SEZ6L2: variants seen among roughly 807,000 people sequenced by gnomAD.
SEZ6L2 encodes the protein seizure related 6 homolog like 2, also known as seizure 6-like protein 2.
In SEZ6L2, 44 loss-of-function variants were observed where a neutral mutation model predicts 97.0. The observed-to-expected ratio is 0.45, with a 90% CI of 0.36 to 0.58. The LOEUF (loss-of-function observed/expected upper bound fraction) is 0.58. Among genes scored for constraint, SEZ6L2 ranks in the 20% least tolerant of loss-of-function variants. The pLI is 0.00. For missense variants in SEZ6L2, 1,086 were observed against 1,233.3 expected (o/e 0.88, Z 1.79); for synonymous variants, 543 against 546.1 (o/e 0.99, Z 0.08).
At position 29,873,930 on chromosome 16, in the gene SEZ6L2, C is replaced by T. The variant is rs965128654; in HGVS notation, c.2105-201G>A. Among the ~76,000 whole-genome samples the T allele has an allele frequency of 1.3e-5, 2 of 152,004 alleles. No homozygotes were observed. Among genetic ancestry groups the T allele is most frequent in the Non-Finnish European group, 2.9e-5 (2 of 67,986 alleles). On this transcript the variant is annotated intron_variant, in intron 12 of 17. Transcript: ENST00000617533. The surrounding 1 kb of genome is among the most constrained non-coding windows in gnomAD (Gnocchi z 4.3). ...TCGAGGCTGCAGTGAATGGTGACCA[C>T]GCTACTGCACTCCAGCCTGGGTGAC...
Position 29,885,541 on chromosome 16 carries a change from G to A in SEZ6L2, c.1372+45C>T, listed in dbSNP as rs201128693. 2.1e-3 allele frequency: 3,297 copies of A among 1,589,944 alleles called. 6 individuals are homozygous for A. The highest frequency in any genetic ancestry group is 2.4e-3 in the Non-Finnish European group (2,734 of 1,160,818). On this transcript the variant is annotated intron_variant, in intron 8 of 17. Coordinates refer to ENST00000617533, the MANE Select transcript of SEZ6L2 (RefSeq NM_001243332.2). Reference sequence around the variant, plus strand: ...GACTATGCTTGGTGTCAGGAAGAGGGGAAGGTGTGGCGGTTGGGGTCCTGT... The same window carrying A: ...GACTATGCTTGGTGTCAGGAAGAGGAGAAGGTGTGGCGGTTGGGGTCCTGT...
In SEZ6L2 at chr16:29,896,903, G is replaced by T; in HGVS notation, c.430C>A (p.Leu144Ile). 1.2e-6 allele frequency: 2 copies of T among 1,613,816 alleles called. No homozygotes were observed. The highest frequency in any genetic ancestry group is 1.7e-6 in the Non-Finnish European group (2 of 1,179,806). ...PPSPASPGPP[L>I]GPEGGEEETT... ...TCCTCCTCTCCTCCCTCAGGCCCAA[G>T]GGGAGGCCCTGGGGAGGCAGGGCTG... is the stretch of plus-strand genomic sequence containing the variant. Residue 144 changes from leucine to isoleucine, a missense_variant, in exon 3 of 18, where the codon CTT becomes ATT. This residue lies in a region of SEZ6L2 where 776 missense variants were observed against 794.7 expected (regional missense o/e 0.98). Transcript: ENST00000617533.
At position 29,876,770 on chromosome 16, in the gene SEZ6L2, G is replaced by A; in HGVS notation, c.2090C>T (p.Pro697Leu). 1.3e-6 allele frequency: 2 copies of A among 1,553,206 alleles called. No homozygotes were observed. The highest frequency in any genetic ancestry group is 2.4e-5 in the East Asian group (1 of 41,144). The stretch of plus-strand genomic sequence containing the variant: ...GGCCGGCTCACTCTTTTGGCAGGCG[G>A]GCGGCGCGGCGCTCCAAGACAGGTC... ...QWDLSWSAAP[P>L]ACQKIMTCAD... The change falls in exon 12 of 18, where the codon CCC becomes CTC. Residue 697 changes from proline to leucine, a missense_variant. Transcript: ENST00000617533. This position sits in a 1 kb window ranked among gnomAD's most constrained non-coding sequence, Gnocchi z 6.5.
intron 11 of SEZ6L2, 94 bp from the exon 12 acceptor site, chr16:29,877,044 C>G: frequency 7.7e-7 from 1 of 1,302,122 alleles, no homozygotes; most frequent in Non-Finnish European, 1.1e-6. Flanking sequence ...CTCCCGGGAT[C>G]TGTCTCTCTC....
chr16:29,876,761 T>C lies in SEZ6L2; in HGVS notation c.2099A>G (p.Gln700Arg), dbSNP rs557575227. The C allele has an allele frequency of 1.9e-6, 3 of 1,548,768 alleles. No homozygotes were observed. The highest frequency in any genetic ancestry group is 1.9e-5 in the Admixed American group (1 of 51,540). Residue 700 changes from glutamine to arginine, a missense_variant, in exon 12 of 18, where the codon CAA (glutamine) becomes CGA (arginine). Coordinates refer to ENST00000617533, the MANE Select transcript of SEZ6L2 (RefSeq NM_001243332.2). This position sits in a 1 kb window ranked among gnomAD's most constrained non-coding sequence, Gnocchi z 6.5. The part of the protein sequence containing the change: ...LSWSAAPPAC[Q>R]KIMTCADPGE... ...CGCGGGCGGGGCCGGCTCACTCTTT[T>C]GGCAGGCGGGCGGCGCGGCGCTCCA...
chr16:29,881,208 A>C (rs924631801), intron 8 of SEZ6L2, among the ~76,000 whole-genome samples: 4 of 152,190 alleles, frequency 2.6e-5, no homozygotes, highest in African/African-American at 9.7e-5. Flanking sequence ...TGAGCTAGCC[A>C]AATCCCAGCC....
chr16:29,872,037 T>C lies in SEZ6L2; in HGVS notation c.2742+150A>G, dbSNP rs1278003502. ...ACAGTCCTCACCACTCCCTATTGTA[T>C]ACACATGGCTTGCTATGCTCATTGA... On this transcript the variant is annotated intron_variant, in intron 17 of 17. Coordinates refer to ENST00000617533, the MANE Select transcript of SEZ6L2 (RefSeq NM_001243332.2). The C allele has an allele frequency of 7.4e-6, 5 of 671,552 alleles. No homozygotes were observed. In the East Asian group the frequency reaches 1.4e-4, roughly 18 times the overall value. The allele number at this position is 671,552 out of a possible 1,614,324, so 41.6% of individuals were successfully genotyped here. A position where few individuals can be genotyped will look rare whatever the true frequency, so the allele number is the denominator to read the frequency against.
Position 29,885,729 on chromosome 16 carries a change from C to A in SEZ6L2, c.1229G>T (p.Gly410Val). Residue 410 changes from glycine (G) to valine (V), a missense_variant, in exon 8 of 18, where the codon GGC becomes GTC. Transcript: ENST00000617533. ...ATAGATCACGGGGGATAGGGGGCTG[C>A]CCCCTGAGCGCACCATCAGCCTGGG... ...DNDRLMVRSG[G>V]SPLSPVIYDS... 3 of 1,611,082 alleles carry A rather than the reference C, an allele frequency of 1.9e-6. No individual in the cohort carries two copies. Among genetic ancestry groups the A allele is most frequent in the Non-Finnish European group, 2.5e-6 (3 of 1,178,088 alleles).
chr16:29,871,768 A>G (rs774660589), intron 17 of SEZ6L2, 40 bp from the exon 18 acceptor site: 5 of 1,592,868 alleles, frequency 3.1e-6, no homozygotes, highest in Non-Finnish European at 3.4e-6. Context: ...GGAGTCTGAT[A>G]GGGGTGGAAG....
chr16:29,895,872 C>T lies in SEZ6L2; in HGVS notation c.512-12G>A, dbSNP rs774656200. ...GTTATTACACAGAACTGAGGAGATA[C>T]AAATGGCTGGGATGGAAGGAATGCC... is the stretch of plus-strand genomic sequence containing the variant. On this transcript the variant is annotated splice_polypyrimidine_tract_variant and intron_variant, in intron 3 of 17. Coordinates refer to ENST00000617533, the MANE Select transcript of SEZ6L2 (RefSeq NM_001243332.2). The T allele has an allele frequency of 1.3e-6, 2 of 1,590,024 alleles. No individual in the cohort carries two copies. Among genetic ancestry groups the T allele is most frequent in the East Asian group, 2.3e-5 (1 of 44,316 alleles).
intron 8 of SEZ6L2, among the ~76,000 whole-genome samples, chr16:29,884,219 A>G (rs2068085265): frequency 1.3e-5 from 2 of 152,156 alleles, no homozygotes. Context: ...GATCTTAGTC[A>G]GGTCAATGAA....
At chr16:29,893,304 A>G (rs2068310858) in intron 5 of SEZ6L2, among the ~76,000 whole-genome samples, 1 of 152,066 alleles carries the variant, frequency 6.6e-6, no homozygotes, top group African/African-American at 2.4e-5. Context: ...AGCCTGGCCA[A>G]CAAGAGCAAA....
In SEZ6L2 at chr16:29,878,325, G is replaced by A. The variant is rs1046467966; in HGVS notation, c.1674C>T (p.His558=). 5 of 1,598,400 alleles carry A rather than the reference G, an allele frequency of 3.1e-6. No homozygotes were observed. In the African/African-American group the frequency reaches 4.0e-5, roughly 13 times the overall value. ...GCAAGATGCGCTTCTCTTCCTGGACGTGCACGCCCCACACGCAGTCTTGGC... is the reference window on the plus strand; with the variant it reads ...GCAAGATGCGCTTCTCTTCCTGGACATGCACGCCCCACACGCAGTCTTGGC... The part of the protein sequence containing the change: ...SPGQDCVWGV[H]VQEEKRILLQ... The change falls in exon 10 of 18, where the codon CAC becomes CAT. Residue 558 remains histidine (H), a synonymous_variant. Coordinates refer to ENST00000617533, the MANE Select transcript of SEZ6L2 (RefSeq NM_001243332.2).
chr16:29,887,999 A>G (rs2068185011), intron 6 of SEZ6L2, among the ~76,000 whole-genome samples, 182 bp from the exon 7 acceptor site: 1 of 152,214 alleles, frequency 6.6e-6, no homozygotes, highest in South Asian at 2.1e-4. Context: ...GAGCCAGGAA[A>G]GAAACCAGCC....
intron 8 of SEZ6L2, among the ~76,000 whole-genome samples, chr16:29,880,453 G>C (rs1384866452): frequency 6.6e-6 from 1 of 152,048 alleles, no homozygotes; most frequent in Non-Finnish European, 1.5e-5. Context: ...CTGAGTAGCT[G>C]GGATTATAGG....
At position 29,895,803 on chromosome 16, in the gene SEZ6L2, C is replaced by T; in HGVS notation, c.569G>A (p.Gly190Glu). 1 of 1,614,064 alleles carries T rather than the reference C, an allele frequency of 6.2e-7. No individual in the cohort carries two copies. Among genetic ancestry groups the T allele is most frequent in the African/African-American group, 1.3e-5 (1 of 75,026 alleles). Reference sequence around the variant, plus strand: ...CCCCAGGGTGCGGCTGACGGGGCTCCCCAGATCTGGAGACTCCACATACCC... The same window carrying T: ...CCCCAGGGTGCGGCTGACGGGGCTCTCCAGATCTGGAGACTCCACATACCC... ...GEGYVESPDLGSPVSRTLGLL... is the reference protein window; with the variant it reads ...GEGYVESPDLESPVSRTLGLL... Residue 190 changes from glycine (G) to glutamate (E), a missense_variant, in exon 4 of 18, where the codon GGG becomes GAG. Gly to Glu is a moderately conservative substitution (Grantham distance 98). Around this residue, in one of 2 missense-constraint regions of SEZ6L2, gnomAD observed 776 missense variants for 794.7 expected, o/e 0.98. Transcript: ENST00000617533.
Position 29,882,238 on chromosome 16 carries a change from G to A in SEZ6L2, c.1373-2174C>T, listed in dbSNP as rs371238539. On this transcript the variant is annotated intron_variant, in intron 8 of 17. Transcript: ENST00000617533. ...CACCTGCCTCAGCCTCCCAAAATGC[G>A]GAGATTACAGGCATGAGCCACTGTG... Among the ~76,000 whole-genome samples the A allele has an allele frequency of 3.4e-4, 51 of 151,146 alleles. No homozygotes were observed. In the East Asian group the frequency reaches 7.8e-3, roughly 23 times the overall value.
intron 7 of SEZ6L2, among the ~76,000 whole-genome samples, chr16:29,886,861 A>G (rs1228684893): frequency 6.6e-6 from 1 of 152,088 alleles, no homozygotes; most frequent in Non-Finnish European, 1.5e-5. Flanking sequence ...GATTTGTCTA[A>G]GGTTTCACAG....
chr16:29,873,349 C>G lies in SEZ6L2; in HGVS notation c.2379G>C (p.Glu793Asp). The change falls in exon 14 of 18, where the codon GAG (glutamate) becomes GAC (aspartate). Residue 793 changes from glutamate to aspartate, a missense_variant. Transcript: ENST00000617533. The surrounding 1 kb of genome is among the most constrained non-coding windows in gnomAD (Gnocchi z 4.3). Reference protein sequence around the residue: ...TLYKHHYQAGESLRFFCYEGF... With the variant: ...TLYKHHYQAGDSLRFFCYEGF... The stretch of plus-strand genomic sequence containing the variant: ...CCTCATAGCAGAAGAAGCGCAGAGA[C>G]TCGCCCGCCTGGTAGTGGTGCTTGT... 1.2e-6 allele frequency: 2 copies of G among 1,614,256 alleles called. No homozygotes were observed. The highest frequency in any genetic ancestry group is 1.7e-6 in the Non-Finnish European group (2 of 1,180,048).
Sources: gnomAD v4.1 joint callset for allele counts (sites outside exome capture counted in the v4.1 genomes callset) on GRCh38, gnomAD v4.1.1 for gene constraint, gnomAD v4.1.1 regional missense constraint, Gnocchi (gnomAD v3.1) non-coding constraint, MANE v1.5 for transcripts, NCBI Gene and HGNC (gene_info 2026-07-23, HGNC 2026-07-21) for gene names.